The following SCML4 variants were observed in gnomAD, a reference collection of about 807,000 sequenced individuals.
SCML4 encodes the protein Scm polycomb group protein like 4.
A neutral mutation model predicts 41.1 loss-of-function variants in SCML4; 34 were observed. That is an observed-to-expected ratio of 0.83 (90% CI 0.63 to 1.10). The LOEUF (loss-of-function observed/expected upper bound fraction) is 1.10, where lower values mean the gene tolerates loss of function less well. Ranked by LOEUF, SCML4 falls within the 50% of genes least tolerant of loss-of-function variation. The pLI is 0.00. For missense variants in SCML4, 522 were observed against 534.1 expected (o/e 0.98, Z 0.22); for synonymous variants, 214 against 220.9 (o/e 0.97, Z 0.28).
At chr6:107,824,572 TC>T (rs564083527), upstream of SCML4, among the ~76,000 whole-genome samples, 10 of 151,962 alleles carry the variant, frequency 6.6e-5, no homozygotes, top group South Asian at 1.7e-3. Context: ...TAGCTTTTTG[TC>T]GACATGAGCT....
chr6:107,827,048 G>A (rs1353019653), upstream of SCML4, among the ~76,000 whole-genome samples: 2 of 151,144 alleles, frequency 1.3e-5, no homozygotes, highest in Middle Eastern at 3.5e-3. Flanking sequence ...GGGCGACAGA[G>A]CGAGACTCCG....
intron 1 of SCML4, among the ~76,000 whole-genome samples, chr6:107,817,571 A>C (rs1784631833): frequency 7.0e-6 from 1 of 142,282 alleles, no homozygotes; most frequent in South Asian, 2.3e-4. Flanking sequence ...CCGTGAGCTG[A>C]GATCGCACCA....
At chr6:107,829,186 C>G (rs764454650), upstream of SCML4, among the ~76,000 whole-genome samples, 6 of 151,990 alleles carry the variant, frequency 3.9e-5, no homozygotes, top group Non-Finnish European at 8.8e-5. Context: ...TCAAGACCAG[C>G]CCGGGCAACA....
At chr6:107,724,637 T>A (rs918235712) in intron 5 of SCML4, among the ~76,000 whole-genome samples, 4 of 151,786 alleles carry the variant, frequency 2.6e-5, no homozygotes, top group Non-Finnish European at 5.9e-5. Flanking sequence ...AAGATATAAA[T>A]AAATGGAAAA....
chr6:107,831,606 A>G, the SCML4 span, among the ~76,000 whole-genome samples: 1 of 152,264 alleles, frequency 6.6e-6, no homozygotes, highest in South Asian at 2.1e-4. Context: ...AAGTAACAGT[A>G]AAAACAGCTC....
chr6:107,751,594 C>CTTTCTT (rs1778647456), intron 2 of SCML4, among the ~76,000 whole-genome samples: 1 of 136,158 alleles, frequency 7.3e-6, no homozygotes, highest in Non-Finnish European at 1.6e-5. Context: ...TTCTTTCTTT[C>CTTTCTT]TTTCTTTCTT....
chr6:107,819,919 C>T (rs1469838494), intron 1 of SCML4, among the ~76,000 whole-genome samples: 1 of 152,230 alleles, frequency 6.6e-6, no homozygotes, highest in Non-Finnish European at 1.5e-5. Flanking sequence ...AAAGTGAGAA[C>T]TGCCACTGGG....
At chr6:107,725,142 T>C (rs564877408) in intron 5 of SCML4, among the ~76,000 whole-genome samples, 1 of 152,328 alleles carries the variant, frequency 6.6e-6, no homozygotes, top group South Asian at 2.1e-4. Flanking sequence ...CTTGAGTGAC[T>C]ATAGTTTACA....
chr6:107,802,315 G>A (rs868531525), intron 1 of SCML4, among the ~76,000 whole-genome samples: 9 of 152,114 alleles, frequency 5.9e-5, no homozygotes, highest in Admixed American at 2.6e-4. Context: ...TGACATTGAT[G>A]GTCCAGTCTC....
At chr6:107,767,137 T>C (rs1047612995) in intron 2 of SCML4, among the ~76,000 whole-genome samples, 2 of 152,090 alleles carry the variant, frequency 1.3e-5, no homozygotes, top group African/African-American at 4.8e-5. Flanking sequence ...TTTGTATTTT[T>C]AGTACAGACG....
intron 1 of SCML4, among the ~76,000 whole-genome samples, chr6:107,811,965 G>T (rs1784188696): frequency 6.6e-6 from 1 of 152,214 alleles, no homozygotes; most frequent in African/African-American, 2.4e-5. Flanking sequence ...ACACTAAATA[G>T]TGAGAGGGTT....
At chr6:107,745,180 A>T in intron 4 of SCML4, 37 bp from the exon 5 acceptor site, 1 of 1,448,492 alleles carries the variant, frequency 6.9e-7, no homozygotes, top group East Asian at 2.6e-5. Context: ...AGAGCCGGGC[A>T]CTGGAGAAAA....
intron 1 of SCML4, among the ~76,000 whole-genome samples, chr6:107,820,635 GC>G (rs1754835114): frequency 6.6e-6 from 1 of 152,204 alleles, no homozygotes; most frequent in Non-Finnish European, 1.5e-5. Context: ...GAAGGAGTGA[GC>G]CCTTGCCAGA....
intron 6 of SCML4, among the ~76,000 whole-genome samples, chr6:107,717,243 C>T (rs892959685): frequency 6.8e-6 from 1 of 147,410 alleles, no homozygotes; most frequent in Non-Finnish European, 1.5e-5. Flanking sequence ...TGGCATGAAC[C>T]CAAGAGGCAG....
At chr6:107,796,391 T>C (rs1051641211) in intron 1 of SCML4, among the ~76,000 whole-genome samples, 2 of 152,204 alleles carry the variant, frequency 1.3e-5, no homozygotes, top group Non-Finnish European at 2.9e-5. Context: ...TCCTGTATTA[T>C]TAGAGATGCT....
rs550130443 is a variant in SCML4, at chr6:107,751,721, C to T, written c.157-1908G>A. On this transcript the variant is annotated intron_variant, in intron 2 of 7. Coordinates refer to ENST00000369020, the MANE Select transcript of SCML4 (RefSeq NM_198081.5). ...CACCATCTCAGCTCACTGCAACCTCCGCCTCCCAGGTTCAAATGATTCTCC... is the reference window on the plus strand; with the variant it reads ...CACCATCTCAGCTCACTGCAACCTCTGCCTCCCAGGTTCAAATGATTCTCC... Among the ~76,000 whole-genome samples the T allele has an allele frequency of 1.1e-3, 168 of 151,478 alleles. 1 individual carries two copies. Among genetic ancestry groups the T allele is most frequent in the African/African-American group, 3.9e-3 (159 of 41,220 alleles).
At chr6:107,761,847 T>C (rs538179461) in intron 2 of SCML4, among the ~76,000 whole-genome samples, 80 of 152,046 alleles carry the variant, frequency 5.3e-4, no homozygotes, top group African/African-American at 1.8e-3. Context: ...TAAAGATACT[T>C]CTAAACAACA....
At chr6:107,820,556 A>G (rs1030937283) in intron 1 of SCML4, among the ~76,000 whole-genome samples, 2 of 152,250 alleles carry the variant, frequency 1.3e-5, no homozygotes, top group Admixed American at 1.3e-4. Flanking sequence ...TCTTGCCCAA[A>G]GCACTTCTTC....
Position 107,705,095 on chromosome 6 carries a change from T to C in SCML4, c.*105A>G. On this transcript the variant is annotated 3_prime_UTR_variant, in exon 8 of 8. Coordinates refer to ENST00000369020, the MANE Select transcript of SCML4 (RefSeq NM_198081.5). ...AAGACCACGTCTCTGTGGCTGTTAATTTTAAGAGGAGAGTCTAGTTTGTGA... is the reference window on the plus strand; with the variant it reads ...AAGACCACGTCTCTGTGGCTGTTAACTTTAAGAGGAGAGTCTAGTTTGTGA... 1 of 1,073,956 alleles carries C rather than the reference T, an allele frequency of 9.3e-7. No individual in the cohort carries two copies. The highest frequency in any genetic ancestry group is 1.4e-6 in the Non-Finnish European group (1 of 720,758). The allele number at this position is 1,073,956 out of a possible 1,614,324, so 66.5% of individuals were successfully genotyped here.
Sources: allele counts gnomAD v4.1 joint callset (sites outside exome capture counted in the v4.1 genomes callset), GRCh38; gene constraint gnomAD v4.1.1; transcripts MANE v1.5; gene names NCBI Gene and HGNC (gene_info 2026-07-23, HGNC 2026-07-21).